The following COPG2 variants were observed in gnomAD, a reference collection of about 807,000 sequenced individuals.
COPG2 encodes coatomer subunit gamma-2.
In COPG2, 37 loss-of-function variants were observed where a neutral mutation model predicts 46.3. The ratio of observed to expected loss-of-function variants is 0.80; its 90% CI spans 0.61 to 1.05. The LOEUF is 1.05. Ranked by LOEUF, COPG2 falls within the 50% of genes least tolerant of loss-of-function variation. The pLI is 0.00. For synonymous variants in COPG2, 159 were observed against 129.7 expected (o/e 1.23, Z -1.53); for missense variants, 427 against 387.8 (o/e 1.10, Z -0.85).
chr7:130,551,561 A>G (rs1185966804), intron 15 of COPG2, among the ~76,000 whole-genome samples: 3 of 152,228 alleles, frequency 2.0e-5, no homozygotes, highest in African/African-American at 4.8e-5. Context: ...CAAGCACTAC[A>G]TAAGTAGGCA....
intron 5 of COPG2, among the ~76,000 whole-genome samples, chr7:130,652,509 T>C (rs1480053716): frequency 1.3e-5 from 2 of 152,230 alleles, no homozygotes; most frequent in Non-Finnish European, 2.9e-5. Context: ...GGTTATTTGA[T>C]GAATTATCAC....
At chr7:130,668,522 G>C in intron 1 of COPG2, 110 bp downstream of exon 1, 1 of 984,116 alleles carries the variant, frequency 1.0e-6, no homozygotes, top group Non-Finnish European at 1.4e-6. Context: ...CCGGCCCCCT[G>C]GCACGGCGGC....
chr7:130,624,527 G>A (rs975796313), intron 5 of COPG2, among the ~76,000 whole-genome samples: 1 of 151,996 alleles, frequency 6.6e-6, no homozygotes, highest in East Asian at 1.9e-4. Context: ...CCCAAGCAGT[G>A]TACACGGTAC....
At chr7:130,566,543 G>A (rs1486273803) in intron 9 of COPG2, among the ~76,000 whole-genome samples, 1 of 152,230 alleles carries the variant, frequency 6.6e-6, no homozygotes, top group African/African-American at 2.4e-5. Flanking sequence ...CTGAGAGAGA[G>A]TTGGCGGCTC....
chr7:130,644,010 GA>G, intron 5 of COPG2, among the ~76,000 whole-genome samples: 1 of 152,250 alleles, frequency 6.6e-6, no homozygotes, highest in East Asian at 1.9e-4. Context: ...AGATCATTGG[GA>G]AATTCTTAGC....
intron 9 of COPG2, chr7:130,605,703 T>C (rs1395786721): frequency 5.8e-6 from 3 of 518,550 alleles, no homozygotes; most frequent in African/African-American, 1.9e-5. Flanking sequence ...GGAAATGAAT[T>C]TGGCCAACGA....
chr7:130,531,409 G>T (rs1040454182), intron 20 of COPG2, among the ~76,000 whole-genome samples: 1 of 152,038 alleles, frequency 6.6e-6, no homozygotes, highest in Non-Finnish European at 1.5e-5. Context: ...GGATCAAAAG[G>T]GAAGTCTCTT....
chr7:130,625,392 C>A (rs182032636), intron 5 of COPG2, among the ~76,000 whole-genome samples: 1 of 152,010 alleles, frequency 6.6e-6, no homozygotes, highest in Non-Finnish European at 1.5e-5. Flanking sequence ...AACTTGGTTT[C>A]TCTTGCCTAA....
chr7:130,518,964 C>A (rs915194477), intron 20 of COPG2, among the ~76,000 whole-genome samples: 2 of 148,886 alleles, frequency 1.3e-5, no homozygotes, highest in Non-Finnish European at 3.0e-5. Flanking sequence ...CGAGATGGCA[C>A]CACTGCACTC....
At chr7:130,598,781 C>A (rs565494319) in intron 9 of COPG2, among the ~76,000 whole-genome samples, 3 of 152,270 alleles carry the variant, frequency 2.0e-5, no homozygotes, top group African/African-American at 7.2e-5. Flanking sequence ...AACGGGCTAT[C>A]CAGCTAAATA....
rs568791903 is a variant in COPG2, at chr7:130,576,037, T to C, written c.738-11644A>G. Among the ~76,000 whole-genome samples, 10 of 152,170 alleles carry C rather than the reference T, an allele frequency of 6.6e-5. No individual in the cohort carries two copies. The South Asian group carries it at 1.7e-3, about 25-fold the overall frequency. Reference sequence around the variant, plus strand: ...AAAATATCACAATCCTAAACATATATCCACCCAAAACTTGAGCTCCCAAAT... The same window carrying C: ...AAAATATCACAATCCTAAACATATACCCACCCAAAACTTGAGCTCCCAAAT... On this transcript the variant is annotated intron_variant, in intron 9 of 23. Coordinates refer to ENST00000425248, the MANE Select transcript of COPG2 (RefSeq NM_012133.6).
chr7:130,511,494 G>C (rs782467527), intron 20 of COPG2: 1 of 520,134 alleles, frequency 1.9e-6, no homozygotes, highest in South Asian at 1.4e-5. Context: ...TACAAATGGT[G>C]GGAGGGAGTT....
intron 12 of COPG2, among the ~76,000 whole-genome samples, chr7:130,559,558 C>G (rs1793684946): frequency 6.6e-6 from 1 of 152,212 alleles, no homozygotes; most frequent in South Asian, 2.1e-4. Flanking sequence ...AGCTAAACTT[C>G]ACCACAACCT....
intron 9 of COPG2, among the ~76,000 whole-genome samples, chr7:130,583,070 C>T (rs1228815626): frequency 6.6e-6 from 1 of 150,872 alleles, no homozygotes; most frequent in Non-Finnish European, 1.5e-5. Context: ...CAGCATTATT[C>T]ACAATAGCAA....
intron 9 of COPG2, among the ~76,000 whole-genome samples, chr7:130,577,561 A>T (rs1366193202): frequency 2.0e-5 from 3 of 151,822 alleles, no homozygotes; most frequent in African/African-American, 7.3e-5. Context: ...GGAGATCGAG[A>T]CCATCCTGGC....
chr7:130,644,288 G>A (rs1584604390), intron 5 of COPG2, among the ~76,000 whole-genome samples: 1 of 152,268 alleles, frequency 6.6e-6, no homozygotes, highest in East Asian at 1.9e-4. Context: ...GGTATGACTA[G>A]TATCCCTTTT....
chr7:130,528,371 G>A (rs1325682697), intron 20 of COPG2, among the ~76,000 whole-genome samples: 1 of 151,896 alleles, frequency 6.6e-6, no homozygotes, highest in Non-Finnish European at 1.5e-5. Context: ...GGGTTGTGGG[G>A]TGCTGGAAGG....
chr7:130,535,540 G>A (rs1011149075), intron 20 of COPG2, among the ~76,000 whole-genome samples: 1 of 151,708 alleles, frequency 6.6e-6, no homozygotes, highest in Admixed American at 6.6e-5. Flanking sequence ...ACAGCAATGG[G>A]CAGGAAGGAA....
chr7:130,597,890 A>G (rs1554449880), intron 9 of COPG2, among the ~76,000 whole-genome samples: 1 of 152,218 alleles, frequency 6.6e-6, no homozygotes, highest in African/African-American at 2.4e-5. Flanking sequence ...TGGCTTTGGG[A>G]TCCCAAATGC....
Sources: gnomAD v4.1 joint callset for allele counts (sites outside exome capture counted in the v4.1 genomes callset) on GRCh38, gnomAD v4.1.1 for gene constraint, MANE v1.5 for transcripts, NCBI Gene and HGNC (gene_info 2026-07-23, HGNC 2026-07-21) for gene names.